Variants in ADCY2 observed in about 807,000 individuals in gnomAD.
ADCY2 encodes adenylate cyclase type 2.
Under a neutral mutation model 125.2 loss-of-function variants are expected in ADCY2, and 31 were observed. That is an observed-to-expected ratio of 0.25 (90% CI 0.19 to 0.33). ADCY2 has a LOEUF of 0.33. ADCY2 is among the 10% of genes least tolerant of loss of function. ADCY2 has a pLI of 1.00. For missense variants in ADCY2, 904 were observed against 1,418.2 expected (o/e 0.64, Z 5.82); for synonymous variants, 512 against 548.4 (o/e 0.93, Z 0.93).
chr5:7,511,756 A>G (rs564759639), intron 2 of ADCY2, among the ~76,000 whole-genome samples: 4 of 152,024 alleles, frequency 2.6e-5, no homozygotes, highest in Non-Finnish European at 5.9e-5. Flanking sequence ...AACCACTGCA[A>G]AGGTCTTGCA....
intron 2 of ADCY2, among the ~76,000 whole-genome samples, chr5:7,442,112 CTGAT>C (rs1256134925): frequency 2.0e-5 from 3 of 152,170 alleles, no homozygotes; most frequent in African/African-American, 7.2e-5. Context: ...AGTCTATACT[CTGAT>C]TGCCCCAGTT....
intron 3 of ADCY2, among the ~76,000 whole-genome samples, chr5:7,587,143 G>A (rs1010726309): frequency 1.3e-5 from 2 of 152,120 alleles, no homozygotes; most frequent in Non-Finnish European, 2.9e-5. Context: ...CAGGCCCGAA[G>A]TGCTGACTTT....
intron 4 of ADCY2, among the ~76,000 whole-genome samples, chr5:7,628,127 C>A (rs72710472): frequency 0.13 from 19,170 of 152,046 alleles, 1,301 homozygotes; most frequent in South Asian, 0.2. Flanking sequence ...GGACAAGGAG[C>A]CCTTAGCACT....
intron 1 of ADCY2, among the ~76,000 whole-genome samples, chr5:7,406,741 A>G (rs371507775): frequency 1.3e-5 from 2 of 152,200 alleles, no homozygotes; most frequent in East Asian, 3.8e-4. Flanking sequence ...AGTTTCTCTT[A>G]AGTCTAGAAC....
At chr5:7,562,211 G>T (rs1735730083) in intron 3 of ADCY2, among the ~76,000 whole-genome samples, 1 of 151,818 alleles carries the variant, frequency 6.6e-6, no homozygotes, top group Non-Finnish European at 1.5e-5. Context: ...TTTTTGTTCT[G>T]TTTTTTCCAC....
chr5:7,810,930 A>C (rs563401879), intron 22 of ADCY2, among the ~76,000 whole-genome samples: 2 of 152,312 alleles, frequency 1.3e-5, no homozygotes, highest in East Asian at 3.9e-4. Context: ...AATAGTTTTG[A>C]TCTTTTTCAA....
At chr5:7,574,108 G>T (rs1226589859) in intron 3 of ADCY2, among the ~76,000 whole-genome samples, 1 of 113,446 alleles carries the variant, frequency 8.8e-6, no homozygotes, top group Non-Finnish European at 2.0e-5. Flanking sequence ...TTTTATGGCT[G>T]CATAGTATTC....
intron 3 of ADCY2, among the ~76,000 whole-genome samples, chr5:7,521,928 G>A (rs1012221750): frequency 6.6e-6 from 1 of 152,094 alleles, no homozygotes; most frequent in African/African-American, 2.4e-5. Flanking sequence ...AGAGGCAGTG[G>A]CCTCTAATTT....
At chr5:7,665,580 A>G (rs1739685762) in intron 4 of ADCY2, among the ~76,000 whole-genome samples, 1 of 152,060 alleles carries the variant, frequency 6.6e-6, no homozygotes, top group Admixed American at 6.5e-5. Flanking sequence ...AAATAAGATC[A>G]AGTGGAGCTT....
Position 7,560,894 on chromosome 5 carries a change from G to A in ADCY2, c.570+39995G>A, listed in dbSNP as rs537950053. ...AGTAGAGACAGGTTTTGCCATGTTG[G>A]CCAGGCTGGTCTCGAACTCCTGACC... On this transcript the variant is annotated intron_variant, in intron 3 of 24. Transcript: ENST00000338316. Among the ~76,000 whole-genome samples, 15 of 152,152 alleles carry A rather than the reference G, an allele frequency of 9.9e-5. 1 individual carries two copies. The South Asian group carries it at 2.1e-3, about 21-fold the overall frequency.
chr5:7,464,883 C>T lies in ADCY2; in HGVS notation c.408+50113C>T, dbSNP rs376353420. Among the ~76,000 whole-genome samples, 10 of 152,254 alleles carry T rather than the reference C, an allele frequency of 6.6e-5. No homozygotes were observed. The South Asian group carries it at 1.9e-3, about 29-fold the overall frequency. Reference sequence around the variant, plus strand: ...TCTTTACTAGTCCATTTTCACATTGCTGATAAAGACATACCCGAGACTGGG... The same window carrying T: ...TCTTTACTAGTCCATTTTCACATTGTTGATAAAGACATACCCGAGACTGGG... On this transcript the variant is annotated intron_variant, in intron 2 of 24. Transcript: ENST00000338316.
chr5:7,763,588 C>G (rs539972283), intron 16 of ADCY2, among the ~76,000 whole-genome samples: 1 of 152,148 alleles, frequency 6.6e-6, no homozygotes, highest in South Asian at 2.1e-4. Flanking sequence ...CCTCCCTCTC[C>G]CCAGCCCCAG....
intron 2 of ADCY2, among the ~76,000 whole-genome samples, chr5:7,474,073 T>C (rs1742434384): frequency 6.6e-6 from 1 of 152,254 alleles, no homozygotes; most frequent in Non-Finnish European, 1.5e-5. Flanking sequence ...ACCTCAGCTC[T>C]CTGAAGAGTT....
At chr5:7,442,216 G>C (rs925017897) in intron 2 of ADCY2, among the ~76,000 whole-genome samples, 1 of 152,138 alleles carries the variant, frequency 6.6e-6, no homozygotes, top group South Asian at 2.1e-4. Context: ...TGTGCCTCCT[G>C]TGTGTCTTCT....
At chr5:7,658,560 C>G (rs1027218839) in intron 4 of ADCY2, among the ~76,000 whole-genome samples, 1 of 151,930 alleles carries the variant, frequency 6.6e-6, no homozygotes, top group Non-Finnish European at 1.5e-5. Flanking sequence ...GCTGGGACTA[C>G]AAGCATGAGG....
chr5:7,759,349 C>T (rs1743119528), intron 16 of ADCY2, among the ~76,000 whole-genome samples: 1 of 152,216 alleles, frequency 6.6e-6, no homozygotes, highest in Admixed American at 6.5e-5. Context: ...CCTCCTCCAG[C>T]CACCTGCTCA....
intron 19 of ADCY2, among the ~76,000 whole-genome samples, chr5:7,787,032 C>G (rs1233162457): frequency 1.3e-5 from 2 of 152,228 alleles, no homozygotes; most frequent in Middle Eastern, 3.2e-3. Flanking sequence ...TTCTGTCTCA[C>G]TCACTGTTGA....
At chr5:7,480,819 C>G (rs2126472295) in intron 2 of ADCY2, among the ~76,000 whole-genome samples, 1 of 152,248 alleles carries the variant, frequency 6.6e-6, no homozygotes, top group South Asian at 2.1e-4. Flanking sequence ...AGATATAATT[C>G]TTTTTTGTGG....
intron 4 of ADCY2, among the ~76,000 whole-genome samples, chr5:7,644,352 C>A (rs1579270413): frequency 6.6e-6 from 1 of 152,100 alleles, no homozygotes; most frequent in South Asian, 2.1e-4. Context: ...TGAGGCATCA[C>A]CTGGTACCAG....
Sources: gnomAD v4.1 joint callset for allele counts (sites outside exome capture counted in the v4.1 genomes callset) on GRCh38, gnomAD v4.1.1 for gene constraint, MANE v1.5 for transcripts, NCBI Gene and HGNC (gene_info 2026-07-23, HGNC 2026-07-21) for gene names.